The following CACNA1C variants were observed in gnomAD, a reference collection of about 807,000 sequenced individuals.
The protein encoded by CACNA1C is voltage-dependent L-type calcium channel subunit alpha-1C.
In CACNA1C, 30 loss-of-function variants were observed where a neutral mutation model predicts 229.0. The observed-to-expected ratio is 0.13, with a 90% CI of 0.10 to 0.18. CACNA1C has a LOEUF of 0.18. CACNA1C is among the 10% of genes least tolerant of loss of function. CACNA1C has a pLI of 1.00. For synonymous variants in CACNA1C, 1,114 were observed against 1,132.5 expected, an observed-to-expected ratio of 0.98 and a Z score of 0.33; for missense variants, 1,658 against 2,845.0, an observed-to-expected ratio of 0.58 and a Z score of 9.49.
chr12:2,599,874 C>T (rs1246426975), intron 21 of CACNA1C, among the ~76,000 whole-genome samples: 1 of 152,212 alleles, frequency 6.6e-6, no homozygotes, highest in East Asian at 1.9e-4. Flanking sequence ...CTGGCCCTGC[C>T]TGGATGCATG....
intron 45 of CACNA1C, among the ~76,000 whole-genome samples, chr12:2,687,097 G>A (rs1214298975): frequency 1.3e-5 from 2 of 152,128 alleles, no homozygotes; most frequent in South Asian, 2.1e-4. Flanking sequence ...AAAATAAACA[G>A]GTTTTCTTAG....
intron 2 of CACNA1C, among the ~76,000 whole-genome samples, chr12:2,116,725 T>C (rs1410507669): frequency 6.6e-5 from 10 of 152,056 alleles, no homozygotes; most frequent in Admixed American, 2.6e-4. Flanking sequence ...GTGATGAAAT[T>C]GAGCCCCACA....
At chr12:2,425,303 T>C (rs2099019093) in intron 3 of CACNA1C, among the ~76,000 whole-genome samples, 1 of 152,240 alleles carries the variant, frequency 6.6e-6, no homozygotes, top group African/African-American at 2.4e-5. Flanking sequence ...ATACGAACAG[T>C]ATAATCGCAA....
At chr12:2,227,075 TG>T (rs533119544) in intron 3 of CACNA1C, among the ~76,000 whole-genome samples, 1 of 152,200 alleles carries the variant, frequency 6.6e-6, no homozygotes, top group Non-Finnish European at 1.5e-5. Flanking sequence ...TGCTGGGTGA[TG>T]GGGGGATTGC....
intron 6 of CACNA1C, among the ~76,000 whole-genome samples, chr12:2,492,590 C>T (rs1035496086): frequency 2.0e-5 from 3 of 152,232 alleles, no homozygotes; most frequent in African/African-American, 7.2e-5. Flanking sequence ...TTCCGTCTTT[C>T]GCCTATGTAA....
chr12:2,545,457 T>G (rs903339253), intron 9 of CACNA1C, among the ~76,000 whole-genome samples: 1 of 152,136 alleles, frequency 6.6e-6, no homozygotes. Flanking sequence ...TTGCAAAACC[T>G]TTTGAACCAC....
At chr12:2,398,524 A>G (rs1284421011) in intron 3 of CACNA1C, among the ~76,000 whole-genome samples, 1 of 152,204 alleles carries the variant, frequency 6.6e-6, no homozygotes, top group Non-Finnish European at 1.5e-5. Context: ...TCTGGGAGCC[A>G]CCATTCCTTA....
At chr12:2,227,435 A>G (rs1398018293) in intron 3 of CACNA1C, among the ~76,000 whole-genome samples, 3 of 152,208 alleles carry the variant, frequency 2.0e-5, no homozygotes, top group Admixed American at 6.5e-5. Flanking sequence ...CTAACCTTTC[A>G]GAGTCTGCCA....
In CACNA1C at chr12:1,993,171, C is replaced by T. The variant is rs769950804; in HGVS notation, c.139+21970C>T. ...CTGACACCCCCCATAGCCACTGATACCAAATGCAAACACAATGGCAAACAC... is the reference window on the plus strand; with the variant it reads ...CTGACACCCCCCATAGCCACTGATATCAAATGCAAACACAATGGCAAACAC... On this transcript the variant is annotated intron_variant, in intron 1 of 46. Coordinates refer to the CACNA1C transcript ENST00000682462. The T allele has an allele frequency of 3.2e-6, 5 of 1,563,688 alleles. No homozygotes were observed. In the South Asian group the frequency reaches 5.6e-5, roughly 17 times the overall value.
At chr12:2,137,945 G>T (rs939236406) in intron 3 of CACNA1C, among the ~76,000 whole-genome samples, 13 of 151,476 alleles carry the variant, frequency 8.6e-5, no homozygotes. Flanking sequence ...CCTCACACAG[G>T]CGCCCCTGCC....
At chr12:2,175,273 C>A (rs2154269649) in intron 3 of CACNA1C, among the ~76,000 whole-genome samples, 1 of 152,304 alleles carries the variant, frequency 6.6e-6, no homozygotes, top group African/African-American at 2.4e-5. Context: ...AAAGTCTACA[C>A]ATTACATTTG....
At chr12:2,438,397 G>T (rs112953411) in intron 3 of CACNA1C, among the ~76,000 whole-genome samples, 1 of 107,064 alleles carries the variant, frequency 9.3e-6, no homozygotes, top group Non-Finnish European at 2.1e-5. Flanking sequence ...TGGTAGTCAT[G>T]GTGGTGGTGG....
chr12:2,540,484 T>C (rs1300408380), intron 9 of CACNA1C, among the ~76,000 whole-genome samples: 3 of 151,994 alleles, frequency 2.0e-5, no homozygotes, highest in African/African-American at 4.8e-5. Flanking sequence ...TAACTTTTTC[T>C]AGAAAGGGCC....
intron 3 of CACNA1C, among the ~76,000 whole-genome samples, chr12:2,200,169 AT>A (rs1471069747): frequency 6.6e-6 from 1 of 152,180 alleles, no homozygotes; most frequent in Non-Finnish European, 1.5e-5. Flanking sequence ...TTATGTTTTA[AT>A]CCAGACAACA....
At chr12:2,422,956 T>C (rs2154556576) in intron 3 of CACNA1C, among the ~76,000 whole-genome samples, 1 of 152,332 alleles carries the variant, frequency 6.6e-6, no homozygotes. Context: ...ATCGTTTCCC[T>C]TCTCTGATGT....
chr12:2,436,041 A>G (rs1483440131), intron 3 of CACNA1C, among the ~76,000 whole-genome samples: 2 of 152,180 alleles, frequency 1.3e-5, no homozygotes, highest in African/African-American at 4.8e-5. Flanking sequence ...AAGGGGCTGC[A>G]GGGGCAGTGA....
chr12:2,173,519 T>G (rs1165560907), intron 3 of CACNA1C, among the ~76,000 whole-genome samples: 1 of 152,228 alleles, frequency 6.6e-6, no homozygotes, highest in Non-Finnish European at 1.5e-5. Context: ...ACCTTACTTA[T>G]GATCTATGAG....
intron 3 of CACNA1C, among the ~76,000 whole-genome samples, chr12:2,213,813 G>T (rs968855193): frequency 6.6e-6 from 1 of 152,218 alleles, no homozygotes; most frequent in African/African-American, 2.4e-5. Context: ...CTCTCTTCAC[G>T]GATGGGCTGC....
intron 3 of CACNA1C, among the ~76,000 whole-genome samples, chr12:2,216,260 C>T (rs1028367488): frequency 6.6e-5 from 10 of 152,132 alleles, no homozygotes; most frequent in African/African-American, 2.4e-4. Context: ...CATCTTCTGG[C>T]CCCTCTTATT....
Sources: allele counts gnomAD v4.1 joint callset (sites outside exome capture counted in the v4.1 genomes callset), GRCh38; gene constraint gnomAD v4.1.1; transcripts MANE v1.5; gene names NCBI Gene and HGNC (gene_info 2026-07-23, HGNC 2026-07-21).